The following PIBF1 variants were observed in gnomAD, a reference collection of about 807,000 sequenced individuals.
PIBF1 encodes the protein progesterone immunomodulatory binding factor 1.
PIBF1 carries 90 observed loss-of-function variants against 112.5 expected under a neutral mutation model. The ratio of observed to expected loss-of-function variants is 0.80; its 90% CI spans 0.67 to 0.95. The LOEUF (loss-of-function observed/expected upper bound fraction) is 0.95. Ranked by LOEUF, PIBF1 falls within the 40% of genes least tolerant of loss-of-function variation. The pLI is 0.00. For missense variants in PIBF1, 915 were observed against 852.3 expected (o/e 1.07, Z -0.92); for synonymous variants, 301 against 288.6 (o/e 1.04, Z -0.44).
intron 15 of PIBF1, among the ~76,000 whole-genome samples, chr13:72,971,255 C>T (rs904452031): frequency 2.7e-5 from 4 of 149,124 alleles, no homozygotes; most frequent in South Asian, 4.3e-4. Flanking sequence ...GCTTATATAC[C>T]GTGGTTATAA....
chr13:72,814,065 GAA>G (rs2036149129), intron 5 of PIBF1, among the ~76,000 whole-genome samples: 1 of 152,164 alleles, frequency 6.6e-6, no homozygotes, highest in East Asian at 1.9e-4. Flanking sequence ...TCTGTTAAAA[GAA>G]AGACTCTTAT....
chr13:72,834,633 A>G (rs2037272771), intron 8 of PIBF1, among the ~76,000 whole-genome samples: 1 of 152,136 alleles, frequency 6.6e-6, no homozygotes, highest in Admixed American at 6.6e-5. Context: ...AGAAAAAAAG[A>G]AAAAAATACT....
intron 14 of PIBF1, among the ~76,000 whole-genome samples, chr13:72,938,503 C>G (rs1388125201): frequency 2.0e-5 from 3 of 152,124 alleles, no homozygotes; most frequent in African/African-American, 7.2e-5. Context: ...ATAATGTTTT[C>G]AGGGTTCGTA....
chr13:72,897,696 A>G (rs904444200), intron 11 of PIBF1, among the ~76,000 whole-genome samples: 3 of 152,256 alleles, frequency 2.0e-5, no homozygotes, highest in Admixed American at 6.5e-5. Flanking sequence ...CTTTAAAGCA[A>G]CAGTGGTTAA....
At chr13:72,911,088 G>A (rs535650593) in intron 12 of PIBF1, among the ~76,000 whole-genome samples, 1 of 152,234 alleles carries the variant, frequency 6.6e-6, no homozygotes, top group African/African-American at 2.4e-5. Context: ...TGAGGCAGGA[G>A]GATTGCTTGA....
At chr13:72,956,148 T>C (rs1005349205) in intron 14 of PIBF1, among the ~76,000 whole-genome samples, 3 of 152,158 alleles carry the variant, frequency 2.0e-5, no homozygotes, top group Non-Finnish European at 4.4e-5. Flanking sequence ...TATGAATTCA[T>C]GTTATTGAAT....
At chr13:72,841,949 GA>G (rs1313649951) in intron 9 of PIBF1, among the ~76,000 whole-genome samples, 1 of 152,010 alleles carries the variant, frequency 6.6e-6, no homozygotes, top group Non-Finnish European at 1.5e-5. Flanking sequence ...ACAGTTTAAG[GA>G]AAATCACCAT....
At chr13:73,010,810 C>CTTTTTTTTTTTTTGTTTTT (rs2044175707) in intron 17 of PIBF1, among the ~76,000 whole-genome samples, 1 of 40,280 alleles carries the variant, frequency 2.5e-5, no homozygotes, top group African/African-American at 9.6e-5. Context: ...ATTAACTTTT[C>CTTTTTTTTTTTTTGTTTTT]TTTTTTTTTT....
chr13:72,844,003 A>G (rs1226408792), intron 9 of PIBF1, among the ~76,000 whole-genome samples: 1 of 152,202 alleles, frequency 6.6e-6, no homozygotes, highest in Non-Finnish European at 1.5e-5. Context: ...TTTAATTTAC[A>G]TTTTCATATT....
chr13:72,884,516 T>C (rs1292083315), intron 10 of PIBF1: 3 of 151,756 alleles, frequency 2.0e-5, no homozygotes, highest in Middle Eastern at 3.4e-3. Context: ...CCCAGGAAAA[T>C]GTTTGAGAGA....
intron 15 of PIBF1, among the ~76,000 whole-genome samples, chr13:72,971,372 C>T (rs931593508): frequency 6.6e-6 from 1 of 152,046 alleles, no homozygotes; most frequent in African/African-American, 2.4e-5. Flanking sequence ...AAAGTGATTC[C>T]AGCTAAAGAG....
In PIBF1 at chr13:72,810,202, T is replaced by C. The variant is rs542904556; in HGVS notation, c.673-11647T>C. On this transcript the variant is annotated intron_variant, in intron 5 of 17. Coordinates refer to ENST00000326291, the MANE Select transcript of PIBF1 (RefSeq NM_006346.4). Reference sequence around the variant, plus strand: ...TTTCCTATTTATGAATTTTCTCTATTAGCAGGTCAAAATTTTGGTTGATCA... The same window carrying C: ...TTTCCTATTTATGAATTTTCTCTATCAGCAGGTCAAAATTTTGGTTGATCA... 6.6e-5 allele frequency among the ~76,000 whole-genome samples: 10 copies of C among 152,306 alleles called. No homozygotes were observed. The South Asian group carries it at 2.1e-3, about 32-fold the overall frequency.
At chr13:72,858,412 T>C (rs1418335061) in intron 10 of PIBF1, among the ~76,000 whole-genome samples, 1 of 152,222 alleles carries the variant, frequency 6.6e-6, no homozygotes, top group African/African-American at 2.4e-5. Context: ...GTATACTTGC[T>C]AGGTTCAAAA....
chr13:72,789,971 T>G (rs1429366027), intron 2 of PIBF1, among the ~76,000 whole-genome samples: 1 of 152,230 alleles, frequency 6.6e-6, no homozygotes, highest in Non-Finnish European at 1.5e-5. Flanking sequence ...TATATTGATT[T>G]ATTTATTGAG....
chr13:72,784,070 A>G (rs2034456150), intron 2 of PIBF1, among the ~76,000 whole-genome samples: 1 of 151,642 alleles, frequency 6.6e-6, no homozygotes, highest in African/African-American at 2.4e-5. Flanking sequence ...AACACAGCAG[A>G]TGTTAAGTGT....
chr13:73,013,460 A>G (rs1346666337), intron 17 of PIBF1, among the ~76,000 whole-genome samples: 2 of 152,042 alleles, frequency 1.3e-5, no homozygotes, highest in Non-Finnish European at 1.5e-5. Context: ...AGAAAAAAAC[A>G]AAAAACGAAA....
At chr13:72,868,852 G>T (rs888831189) in intron 10 of PIBF1, among the ~76,000 whole-genome samples, 6 of 124,328 alleles carry the variant, frequency 4.8e-5, no homozygotes, top group Admixed American at 8.1e-5. Context: ...AAAAAAAAAA[G>T]ATGAAACTAC....
chr13:72,893,756 A>G (rs1427615244), intron 10 of PIBF1, 28 bp from the exon 11 acceptor site: 3 of 1,409,222 alleles, frequency 2.1e-6, no homozygotes, highest in Non-Finnish European at 2.8e-6. Flanking sequence ...CTTTCTTTAG[A>G]GTGTCATAAC....
At chr13:72,927,966 T>TATATAC (rs1555316890) in intron 13 of PIBF1, among the ~76,000 whole-genome samples, 2 of 99,432 alleles carry the variant, frequency 2.0e-5, no homozygotes, top group African/African-American at 1.3e-4. Flanking sequence ...TATACACATA[T>TATATAC]ATATATATAT....
Sources: gnomAD v4.1 joint callset for allele counts (sites outside exome capture counted in the v4.1 genomes callset) on GRCh38, gnomAD v4.1.1 for gene constraint, MANE v1.5 for transcripts, NCBI Gene and HGNC (gene_info 2026-07-23, HGNC 2026-07-21) for gene names.